The following SOX5 variants were observed in gnomAD, a reference collection of about 807,000 sequenced individuals.
SOX5 encodes the protein transcription factor SOX-5.
Under a neutral mutation model 92.0 loss-of-function variants are expected in SOX5, and 9 were observed. That is an observed-to-expected ratio of 0.10 (90% CI 0.06 to 0.17). The LOEUF is 0.17. SOX5 is among the 10% of genes least tolerant of loss of function. The probability of loss-of-function intolerance (pLI) is 1.00; values close to 1 mark genes in which losing one functional copy is unlikely to be tolerated. For synonymous variants in SOX5, 344 were observed against 336.3 expected (o/e 1.02, Z -0.25); for missense variants, 642 against 944.5 (o/e 0.68, Z 4.20).
In SOX5 at chr12:24,239,714, G is replaced by A. The variant is rs544141977; in HGVS notation, c.-76-26297C>T. Among the ~76,000 whole-genome samples the A allele has an allele frequency of 2.6e-5, 4 of 152,308 alleles. No individual in the cohort carries two copies. The East Asian group carries it at 7.7e-4, about 29-fold the overall frequency. On this transcript the variant is annotated intron_variant, in intron 3 of 4. Transcript: ENST00000446891. ...AATCTGCCAGTTTACACCCAGAAGT[G>A]AAAGTGGAATTCACTTGTTAAAGAC...
At chr12:23,967,468 C>T (rs910414898) in intron 4 of SOX5, among the ~76,000 whole-genome samples, 2 of 107,386 alleles carry the variant, frequency 1.9e-5, no homozygotes, top group Non-Finnish European at 3.9e-5. Context: ...ATTATACAGA[C>T]AATAATGCAA....
intron 9 of SOX5, among the ~76,000 whole-genome samples, chr12:23,595,475 C>T (rs553352985): frequency 3.3e-5 from 5 of 151,770 alleles, no homozygotes; most frequent in Non-Finnish European, 5.9e-5. Flanking sequence ...ACAAAAAAAT[C>T]AGCTGGGCGT....
At chr12:24,162,390 A>G (rs1164738204) in intron 4 of SOX5, among the ~76,000 whole-genome samples, 1 of 152,134 alleles carries the variant, frequency 6.6e-6, no homozygotes, top group Non-Finnish European at 1.5e-5. Flanking sequence ...ATGACTCCTA[A>G]GTAAGTCTGA....
intron 4 of SOX5, among the ~76,000 whole-genome samples, chr12:24,142,833 A>G (rs1950715343): frequency 6.6e-6 from 1 of 150,558 alleles, no homozygotes; most frequent in Non-Finnish European, 1.5e-5. Flanking sequence ...AGAGGCAGCT[A>G]GAGTTCATAA....
chr12:23,878,371 C>A (rs1041181309), intron 2 of SOX5, among the ~76,000 whole-genome samples: 1 of 151,848 alleles, frequency 6.6e-6, no homozygotes, highest in Admixed American at 6.6e-5. Context: ...AACACTTTTT[C>A]CTTTCTAGAC....
chr12:24,392,187 C>A (rs147749048), intron 1 of SOX5, among the ~76,000 whole-genome samples: 1 of 152,132 alleles, frequency 6.6e-6, no homozygotes. Context: ...CCTCTCACTG[C>A]GCTATTGCAA....
chr12:24,232,446 A>G (rs147586110), intron 3 of SOX5, among the ~76,000 whole-genome samples: 22 of 152,356 alleles, frequency 1.4e-4, no homozygotes, highest in African/African-American at 5.0e-4. Context: ...GAAGCATACT[A>G]ATACTTAATA....
At chr12:24,363,937 A>ATTTAAAACAAATCTGTTTG (rs2136200238) in intron 2 of SOX5, among the ~76,000 whole-genome samples, 1 of 152,324 alleles carries the variant, frequency 6.6e-6, no homozygotes, top group South Asian at 2.1e-4. Flanking sequence ...GAAAGAATGG[A>ATTTAAAACAAATCTGTTTG]TTTAAAACAA....
At chr12:24,123,498 C>A (rs1948819854) in intron 4 of SOX5, among the ~76,000 whole-genome samples, 1 of 152,122 alleles carries the variant, frequency 6.6e-6, no homozygotes. Flanking sequence ...CAAACCCTTC[C>A]CCTTCATTAA....
chr12:23,566,853 T>A (rs1320955615), intron 10 of SOX5, among the ~76,000 whole-genome samples: 5 of 152,232 alleles, frequency 3.3e-5, no homozygotes, highest in Admixed American at 1.3e-4. Context: ...TTCAACTGCA[T>A]CTGGGATTTC....
chr12:24,026,329 G>A (rs1255996856), intron 4 of SOX5, among the ~76,000 whole-genome samples: 1 of 151,992 alleles, frequency 6.6e-6, no homozygotes. Flanking sequence ...TCTCAAAAGA[G>A]ATATCCAAGA....
At chr12:23,805,424 C>T (rs530365174) in intron 3 of SOX5, among the ~76,000 whole-genome samples, 1 of 151,746 alleles carries the variant, frequency 6.6e-6, no homozygotes, top group African/African-American at 2.4e-5. Flanking sequence ...ATGTAAAGCG[C>T]AATGCCTGAA....
At chr12:23,868,826 C>T (rs1329022083) in intron 2 of SOX5, among the ~76,000 whole-genome samples, 2 of 151,974 alleles carry the variant, frequency 1.3e-5, no homozygotes, top group Non-Finnish European at 2.9e-5. Context: ...TGAGTATAAA[C>T]TAAATAATAA....
chr12:23,604,697 C>T (rs2075018124), intron 8 of SOX5, among the ~76,000 whole-genome samples, 164 bp from the exon 9 acceptor site: 1 of 152,150 alleles, frequency 6.6e-6, no homozygotes, highest in South Asian at 2.1e-4. Flanking sequence ...GATTTCATTA[C>T]TTTTTAGGGG....
chr12:24,032,604 C>T (rs1955621762), intron 4 of SOX5, among the ~76,000 whole-genome samples: 1 of 151,802 alleles, frequency 6.6e-6, no homozygotes, highest in Non-Finnish European at 1.5e-5. Context: ...ACTGTAGTAA[C>T]TACTTGTAAA....
intron 1 of SOX5, among the ~76,000 whole-genome samples, chr12:23,910,317 A>G (rs887930152): frequency 1.3e-5 from 2 of 152,188 alleles, no homozygotes; most frequent in African/African-American, 4.8e-5. Context: ...CAAAGTGTGT[A>G]GCAACTGTAA....
chr12:24,488,700 T>C (rs1319692726), intron 1 of SOX5, among the ~76,000 whole-genome samples: 3 of 152,214 alleles, frequency 2.0e-5, no homozygotes, highest in African/African-American at 7.2e-5. Context: ...TCCTAAGTAA[T>C]AAGTGTAAGT....
At chr12:24,388,113 C>T (rs570259414) in intron 1 of SOX5, among the ~76,000 whole-genome samples, 21 of 152,300 alleles carry the variant, frequency 1.4e-4, no homozygotes, top group East Asian at 7.7e-4. Context: ...GAATCTTGTA[C>T]GTAATTTCAC....
chr12:24,464,175 G>A (rs1943956989), intron 1 of SOX5, among the ~76,000 whole-genome samples: 1 of 152,272 alleles, frequency 6.6e-6, no homozygotes, highest in South Asian at 2.1e-4. Context: ...ACCTAAGTAT[G>A]TGTGTTTATG....
Sources: allele counts gnomAD v4.1 joint callset (sites outside exome capture counted in the v4.1 genomes callset), GRCh38; gene constraint gnomAD v4.1.1; transcripts MANE v1.5; gene names NCBI Gene and HGNC (gene_info 2026-07-23, HGNC 2026-07-21).